Variants in LRRIQ1 observed in about 807,000 individuals in gnomAD.
LRRIQ1 encodes the protein leucine-rich repeat- and IQ domain-containing protein 1.
LRRIQ1 carries 210 observed loss-of-function variants against 211.9 expected under a neutral mutation model. The ratio of observed to expected loss-of-function variants is 0.99; its 90% CI spans 0.89 to 1.11. LRRIQ1 has a LOEUF of 1.11. LRRIQ1 is among the 50% of genes most tolerant of loss of function. The probability of loss-of-function intolerance (pLI) is 0.00; values close to 1 mark genes in which losing one functional copy is unlikely to be tolerated. For synonymous variants in LRRIQ1, 699 were observed against 650.1 expected, an observed-to-expected ratio of 1.08 and a Z score of -1.14; for missense variants, 2,136 against 1,939.5, an observed-to-expected ratio of 1.10 and a Z score of -1.90.
rs200829389 is a variant in LRRIQ1, at chr12:85,064,042, G to T, written c.2392-1220G>T. 2.0e-5 allele frequency among the ~76,000 whole-genome samples: 3 copies of T among 151,806 alleles called. No individual in the cohort carries two copies. In the East Asian group the frequency reaches 5.9e-4, roughly 30 times the overall value. ...CATTATACTGATTTCATTTCTTTCG[G>T]CTATATACCTAGCAGCAGTATTGCT... On this transcript the variant is annotated intron_variant, in intron 8 of 26. Transcript: ENST00000393217.
intron 24 of LRRIQ1, among the ~76,000 whole-genome samples, chr12:85,209,487 A>T (rs2137059902): frequency 6.6e-6 from 1 of 152,282 alleles, no homozygotes; most frequent in South Asian, 2.1e-4. Context: ...AATTCAAGAT[A>T]TTTGTGTGGG....
chr12:85,247,409 T>C (rs1037419847), downstream of LRRIQ1, among the ~76,000 whole-genome samples: 3 of 151,624 alleles, frequency 2.0e-5, no homozygotes, highest in African/African-American at 4.8e-5. Flanking sequence ...AAAACTCTTT[T>C]TGAGCCTTTG....
intron 10 of LRRIQ1, 49 bp from the exon 11 acceptor site, chr12:85,072,858 T>G (rs1883239228): frequency 7.3e-7 from 1 of 1,362,204 alleles, no homozygotes; most frequent in East Asian, 2.5e-5. Flanking sequence ...CCACTTGCAT[T>G]TATTAATTCG....
chr12:85,180,602 T>A (rs963159256), intron 24 of LRRIQ1, among the ~76,000 whole-genome samples: 12 of 151,942 alleles, frequency 7.9e-5, no homozygotes, highest in African/African-American at 2.4e-4. Flanking sequence ...TACATTTCTT[T>A]GTCCATTTCC....
intron 26 of LRRIQ1, among the ~76,000 whole-genome samples, chr12:85,239,539 G>A (rs186736261): frequency 7.0e-6 from 1 of 142,330 alleles, no homozygotes; most frequent in East Asian, 1.9e-4. Flanking sequence ...AACAATTCAA[G>A]GGGGGGAAAG....
At chr12:85,244,597 C>T (rs550585021) in intron 26 of LRRIQ1, among the ~76,000 whole-genome samples, 192 bp from the exon 27 acceptor site, 12 of 151,726 alleles carry the variant, frequency 7.9e-5, no homozygotes, top group African/African-American at 1.4e-4. Context: ...ATTTTACAAT[C>T]GACTCTTATT....
At chr12:85,087,827 T>C (rs1884984169) in intron 11 of LRRIQ1, among the ~76,000 whole-genome samples, 1 of 152,236 alleles carries the variant, frequency 6.6e-6, no homozygotes, top group South Asian at 2.1e-4. Context: ...TTAAGCTCTT[T>C]GTAGATTCTG....
intron 11 of LRRIQ1, among the ~76,000 whole-genome samples, chr12:85,083,941 C>A (rs568926960): frequency 9.2e-5 from 14 of 152,046 alleles, no homozygotes; most frequent in Admixed American, 4.6e-4. Flanking sequence ...AATTATTTTT[C>A]TACTTGTATT....
intron 26 of LRRIQ1, among the ~76,000 whole-genome samples, chr12:85,241,372 T>C (rs1895450904): frequency 6.6e-6 from 1 of 152,092 alleles, no homozygotes; most frequent in African/African-American, 2.4e-5. Flanking sequence ...AAGGAGTTTA[T>C]GAAAAGATGA....
intron 9 of LRRIQ1, among the ~76,000 whole-genome samples, chr12:85,066,038 T>C (rs1882393669): frequency 6.6e-6 from 1 of 151,858 alleles, no homozygotes; most frequent in Non-Finnish European, 1.5e-5. Context: ...TAATGTTTTA[T>C]TGGCTAAGCC....
intron 13 of LRRIQ1, among the ~76,000 whole-genome samples, chr12:85,103,028 G>C (rs1886507162): frequency 6.9e-6 from 1 of 144,266 alleles, no homozygotes; most frequent in Admixed American, 7.0e-5. Context: ...ATTCAGATGA[G>C]CTGGCTTCAT....
At chr12:85,198,573 AT>A (rs33992762) in intron 24 of LRRIQ1, among the ~76,000 whole-genome samples, 52 of 146,962 alleles carry the variant, frequency 3.5e-4, no homozygotes, top group Admixed American at 3.4e-4. Flanking sequence ...CATGTTAAGC[AT>A]TTTTTTTTTT....
chr12:85,196,757 A>G (rs923702182), intron 24 of LRRIQ1, among the ~76,000 whole-genome samples: 11 of 151,654 alleles, frequency 7.3e-5, no homozygotes, highest in Non-Finnish European at 1.2e-4. Context: ...CATTCAGGAC[A>G]TAGGCATGGG....
intron 18 of LRRIQ1, 136 bp from the exon 19 acceptor site, chr12:85,137,714 T>A: frequency 1.3e-5 from 8 of 633,800 alleles, no homozygotes; most frequent in Non-Finnish European, 1.5e-5. Flanking sequence ...AAGTGTCACA[T>A]AAAGTTCAGA....
At chr12:85,123,527 C>T (rs1375233379) in intron 16 of LRRIQ1, among the ~76,000 whole-genome samples, 1 of 152,050 alleles carries the variant, frequency 6.6e-6, no homozygotes, top group African/African-American at 2.4e-5. Context: ...AGCTAGAAAT[C>T]CAATCATTGT....
chr12:85,146,639 C>T (rs553057903), intron 19 of LRRIQ1, among the ~76,000 whole-genome samples: 16 of 151,744 alleles, frequency 1.1e-4, no homozygotes, highest in African/African-American at 3.9e-4. Flanking sequence ...TTTTGTTCTC[C>T]ACCTACTCCC....
intron 17 of LRRIQ1, 105 bp from the exon 18 acceptor site, chr12:85,127,727 T>C (rs754865053): frequency 2.3e-6 from 2 of 861,584 alleles, no homozygotes; most frequent in Non-Finnish European, 3.6e-6. Context: ...AAATAATACT[T>C]TATGTGTTCT....
chr12:85,066,939 C>A (rs202043330), intron 10 of LRRIQ1, 41 bp downstream of exon 10: 3 of 1,150,548 alleles, frequency 2.6e-6, no homozygotes, highest in Admixed American at 5.7e-5. Context: ...ATATATTTCT[C>A]ATAATTTATT....
At chr12:85,087,117 G>A (rs958751656) in intron 11 of LRRIQ1, among the ~76,000 whole-genome samples, 3 of 151,764 alleles carry the variant, frequency 2.0e-5, no homozygotes, top group East Asian at 1.9e-4. Flanking sequence ...GACAGGCCCT[G>A]GTGTGTGATG....
Sources: gnomAD v4.1 joint callset for allele counts (sites outside exome capture counted in the v4.1 genomes callset) on GRCh38, gnomAD v4.1.1 for gene constraint, MANE v1.5 for transcripts, NCBI Gene and HGNC (gene_info 2026-07-23, HGNC 2026-07-21) for gene names.